The following AKAP1 variants were observed in gnomAD, a reference collection of about 807,000 sequenced individuals.
AKAP1 encodes the protein A-kinase anchor protein 1, mitochondrial.
Under a neutral mutation model 79.8 loss-of-function variants are expected in AKAP1, and 32 were observed. The ratio of observed to expected loss-of-function variants is 0.40; its 90% confidence interval spans 0.30 to 0.54. AKAP1 has a LOEUF of 0.54. Ranked by LOEUF, AKAP1 falls within the 20% of genes least tolerant of loss-of-function variation. AKAP1 has a pLI of 0.47. For synonymous variants in AKAP1, 416 were observed against 466.7 expected, an observed-to-expected ratio of 0.89 and a Z score of 1.40; for missense variants, 961 against 1,138.9, an observed-to-expected ratio of 0.84 and a Z score of 2.25.
Position 57,107,888 on chromosome 17 carries a change from T to C in AKAP1, c.1714+710T>C, listed in dbSNP as rs1047728944. The C allele has an allele frequency of 8.6e-5, 100 of 1,159,926 alleles. No individual in the cohort carries two copies. The Middle Eastern group carries it at 1.3e-3, about 16-fold the overall frequency. 71.9% of individuals were successfully genotyped at this position (1,159,926 alleles called of 1,614,324 possible). A position where few individuals can be genotyped will look rare whatever the true frequency, so the allele number is the denominator to read the frequency against. On this transcript the variant is annotated intron_variant, in intron 2 of 10. Coordinates refer to ENST00000337714, the MANE Select transcript of AKAP1 (RefSeq NM_003488.4). ...TTGAATACTTGTGGGAGGCTTGAGC[T>C]TCCTGAGTTGTCGCTGTCACCTTTG...
At chr17:57,099,982 CA>C (rs1216453729) in intron 1 of AKAP1, among the ~76,000 whole-genome samples, 5 of 152,198 alleles carry the variant, frequency 3.3e-5, no homozygotes, top group South Asian at 2.1e-4. Context: ...GTGGGACCAG[CA>C]ACTAACTGCT....
In AKAP1 at chr17:57,106,910, G is replaced by A; in HGVS notation, c.1446G>A (p.Val482=). ...TGCCGGACCGGGCAGGCATCCTGGT[G>A]GAAGATGCCACCTGTGTCACCTGCA... ...EELPDRAGIL[V]EDATCVTCMS... Residue 482 remains valine, a synonymous_variant, in exon 2 of 11, where the codon GTG becomes GTA. Coordinates refer to ENST00000337714, the MANE Select transcript of AKAP1 (RefSeq NM_003488.4). The A allele has an allele frequency of 6.2e-7, 1 of 1,613,920 alleles. No homozygotes were observed. Among genetic ancestry groups the A allele is most frequent in the Non-Finnish European group, 8.5e-7 (1 of 1,179,788 alleles).
intron 10 of AKAP1, 108 bp from the exon 11 acceptor site, chr17:57,120,142 T>C (rs1915841472): frequency 2.1e-6 from 2 of 932,216 alleles, no homozygotes; most frequent in East Asian, 4.8e-5. Context: ...GTTACTCTCA[T>C]ACATCTGTTG....
chr17:57,118,711 A>G (rs1340577612), intron 9 of AKAP1, among the ~76,000 whole-genome samples: 6 of 152,150 alleles, frequency 3.9e-5, no homozygotes, highest in Non-Finnish European at 8.8e-5. Flanking sequence ...GAAACTTACA[A>G]TCATGGCAGA....
chr17:57,118,332 C>G, intron 8 of AKAP1, 49 bp from the exon 9 acceptor site: 2 of 1,564,150 alleles, frequency 1.3e-6, no homozygotes, highest in Non-Finnish European at 1.8e-6. Flanking sequence ...GACAAGGGTG[C>G]CTTGCCTCAG....
chr17:57,104,105 G>A (rs907819390), intron 1 of AKAP1, among the ~76,000 whole-genome samples: 30 of 151,958 alleles, frequency 2.0e-4, no homozygotes, highest in Admixed American at 6.6e-5. Context: ...GATTACAGGC[G>A]CCTGCCACCA....
At chr17:57,088,278 C>G (rs1381646415) in intron 1 of AKAP1, among the ~76,000 whole-genome samples, 1 of 152,154 alleles carries the variant, frequency 6.6e-6, no homozygotes, top group Admixed American at 6.5e-5. Context: ...AAGGAACCTC[C>G]TGGCCTTGGT....
intron 1 of AKAP1, among the ~76,000 whole-genome samples, chr17:57,098,885 C>T (rs1242809436): frequency 1.3e-5 from 2 of 151,628 alleles, no homozygotes; most frequent in Admixed American, 1.3e-4. Flanking sequence ...CCTCAGCCTC[C>T]CAAGTAGCTG....
At chr17:57,116,057 T>G (rs1915559648) in intron 6 of AKAP1, 54 bp from the exon 7 acceptor site, 5 of 1,586,458 alleles carry the variant, frequency 3.2e-6, no homozygotes, top group Non-Finnish European at 3.4e-6. Context: ...CAGGTGGCCC[T>G]TGGTGCCCTG....
Position 57,105,605 on chromosome 17 carries a change from G to T in AKAP1, c.141G>T (p.Gln47His). Residue 47 changes from glutamine (Q) to histidine (H), a missense_variant, in exon 2 of 11, where the codon CAG becomes CAT. Physicochemically the swap from Gln to His is conservative, Grantham distance 24 (BLOSUM62 0). This residue lies in a region of AKAP1 where 108 missense variants were observed against 147.6 expected (regional missense o/e 0.73). Coordinates refer to ENST00000337714, the MANE Select transcript of AKAP1 (RefSeq NM_003488.4). Reference protein sequence around the residue: ...DEQQVEAGAVQLRADPAIKEP... With the variant: ...DEQQVEAGAVHLRADPAIKEP... ...AGCAGGTGGAGGCTGGTGCTGTGCA[G>T]CTGAGGGCTGACCCTGCCATCAAGG... The T allele has an allele frequency of 1.2e-6, 2 of 1,614,128 alleles. No individual in the cohort carries two copies. The highest frequency in any genetic ancestry group is 1.7e-6 in the Non-Finnish European group (2 of 1,180,018).
At chr17:57,119,534 C>T (rs1179771750) in intron 10 of AKAP1, among the ~76,000 whole-genome samples, 1 of 151,860 alleles carries the variant, frequency 6.6e-6, no homozygotes, top group Non-Finnish European at 1.5e-5. Context: ...GCCAACATGG[C>T]GAAACCCCCA....
chr17:57,111,808 G>C lies in AKAP1; in HGVS notation c.1859G>C (p.Gly620Ala). ...WEIEVPKHLV[G>A]RLIGKQGRYV... ...TTGTCTTTCTGGAAGCACTTAGTCG[G>C]TCGGCTAATTGGCAAGCAGGGGCGC... The change falls in exon 4 of 11, where the codon GGT becomes GCT. Residue 620 changes from glycine (G) to alanine (A), a missense_variant. Transcript: ENST00000337714. 1 of 1,614,060 alleles carries C rather than the reference G, an allele frequency of 6.2e-7. No homozygotes were observed. The highest frequency in any genetic ancestry group is 8.5e-7 in the Non-Finnish European group (1 of 1,180,020).
Position 57,106,071 on chromosome 17 carries a change from G to C in AKAP1, c.607G>C (p.Glu203Gln). 1 of 1,609,004 alleles carries C rather than the reference G, an allele frequency of 6.2e-7. No homozygotes were observed. The highest frequency in any genetic ancestry group is 8.5e-7 in the Non-Finnish European group (1 of 1,177,142). The change falls in exon 2 of 11, where the codon GAA (glutamate) becomes CAA (glutamine). Residue 203 changes from glutamate (E) to glutamine (Q), a missense_variant. This residue lies in a region of AKAP1 where 224 missense variants were observed against 210.2 expected (regional missense o/e 1.07). Coordinates refer to ENST00000337714, the MANE Select transcript of AKAP1 (RefSeq NM_003488.4). ...GERARETGGAEGTGDAVLGEK... is the reference protein window; with the variant it reads ...GERARETGGAQGTGDAVLGEK... ...GAGGGCAAGAGAGACAGGTGGGGCC[G>C]AAGGGACTGGTGATGCCGTGTTGGG... is the stretch of plus-strand genomic sequence containing the variant.
At chr17:57,100,428 A>AACACAC (rs71363890) in intron 1 of AKAP1, among the ~76,000 whole-genome samples, 60,559 of 149,642 alleles carry the variant, frequency 0.4, 12,659 homozygotes, top group East Asian at 0.76. Context: ...TCTCTGCTAA[A>AACACAC]ACACACACAC....
At chr17:57,112,349 C>T (rs930196441) in intron 4 of AKAP1, 142 bp from the exon 5 acceptor site, 3 of 968,742 alleles carry the variant, frequency 3.1e-6, no homozygotes, top group Admixed American at 2.8e-5. Context: ...TAAAGCAGAG[C>T]TTAAGTGTTT....
chr17:57,108,095 C>A, intron 2 of AKAP1: 2 of 1,087,946 alleles, frequency 1.8e-6, no homozygotes, highest in Non-Finnish European at 2.3e-6. Context: ...GGGGTGTTTT[C>A]ATTTATCTCA....
chr17:57,108,631 C>G (rs1003260339), intron 2 of AKAP1, among the ~76,000 whole-genome samples: 8 of 152,164 alleles, frequency 5.3e-5, no homozygotes, highest in Admixed American at 4.6e-4. Context: ...TAATACTGTC[C>G]ACGAGCATGC....
chr17:57,087,959 C>T (rs1913561049), intron 1 of AKAP1, among the ~76,000 whole-genome samples: 1 of 152,200 alleles, frequency 6.6e-6, no homozygotes, highest in Non-Finnish European at 1.5e-5. Flanking sequence ...GTAGCTTGGT[C>T]TGTTTTCCTA....
intron 8 of AKAP1, 107 bp from the exon 9 acceptor site, chr17:57,118,274 C>A: frequency 9.6e-7 from 1 of 1,040,466 alleles, no homozygotes; most frequent in Non-Finnish European, 1.5e-6. Flanking sequence ...TCAAGTTCCA[C>A]AGCATCTGAA....
Sources: allele counts gnomAD v4.1 joint callset (sites outside exome capture counted in the v4.1 genomes callset), GRCh38; gene constraint gnomAD v4.1.1; regional missense constraint gnomAD v4.1.1; transcripts MANE v1.5; gene names NCBI Gene and HGNC (gene_info 2026-07-23, HGNC 2026-07-21).